TRHDE: variants seen among roughly 807,000 people sequenced by gnomAD.
The protein encoded by TRHDE is thyrotropin releasing hormone degrading enzyme, also known as thyrotropin-releasing hormone-degrading ectoenzyme.
TRHDE carries 72 observed loss-of-function variants against 125.7 expected under a neutral mutation model. That is an observed-to-expected ratio of 0.57 (90% CI 0.47 to 0.70). The LOEUF (loss-of-function observed/expected upper bound fraction) is 0.70, where lower values mean the gene tolerates loss of function less well. Among genes scored for constraint, TRHDE ranks in the 30% least tolerant of loss-of-function variants. TRHDE has a pLI of 0.00. For missense variants in TRHDE, 1,110 were observed against 1,327.1 expected, an observed-to-expected ratio of 0.84 and a Z score of 2.54; for synonymous variants, 509 against 509.1, an observed-to-expected ratio of 1.00 and a Z score of 0.00.
chr12:72,343,754 TTAAAAGATA>T (rs1272345898), intron 2 of TRHDE, among the ~76,000 whole-genome samples: 1 of 152,128 alleles, frequency 6.6e-6, no homozygotes, highest in East Asian at 1.9e-4. Context: ...AATGTGAAAC[TTAAAAGATA>T]TAAAGGAAGG....
chr12:72,208,110 CAT>C (rs1244889274), intron 2 of TRHDE, among the ~76,000 whole-genome samples: 1 of 152,188 alleles, frequency 6.6e-6, no homozygotes, highest in East Asian at 1.9e-4. Context: ...TCCTCTTAAA[CAT>C]AGCCTTTCTA....
chr12:72,530,659 C>A (rs377696774), intron 6 of TRHDE, among the ~76,000 whole-genome samples: 2 of 151,048 alleles, frequency 1.3e-5, no homozygotes, highest in East Asian at 3.9e-4. Context: ...TATGCTTGTT[C>A]TCTCTGCCTG....
intron 1 of TRHDE, among the ~76,000 whole-genome samples, chr12:72,091,892 C>T (rs1041717118): frequency 8.5e-5 from 13 of 152,328 alleles, no homozygotes; most frequent in Middle Eastern, 3.4e-3. Flanking sequence ...CCAATAAATA[C>T]AAAGGGCTGT....
intron 2 of TRHDE, among the ~76,000 whole-genome samples, chr12:72,186,836 T>TG (rs368634953): frequency 2.1e-3 from 314 of 151,928 alleles, no homozygotes; most frequent in Admixed American, 4.4e-3. Flanking sequence ...TTTATTGGCG[T>TG]GGGGGGTAGC....
chr12:72,431,464 C>T (rs1874474569), intron 3 of TRHDE, among the ~76,000 whole-genome samples: 1 of 152,098 alleles, frequency 6.6e-6, no homozygotes, highest in African/African-American at 2.4e-5. Flanking sequence ...TTTTGACTTA[C>T]ATTAATGCTT....
At chr12:72,604,259 G>A (rs2136062571) in intron 12 of TRHDE, among the ~76,000 whole-genome samples, 1 of 152,184 alleles carries the variant, frequency 6.6e-6, no homozygotes, top group East Asian at 1.9e-4. Flanking sequence ...TTATTTTAAG[G>A]TAGCTTAACT....
chr12:72,109,505 A>G (rs1356414149), intron 2 of TRHDE, among the ~76,000 whole-genome samples: 3 of 152,112 alleles, frequency 2.0e-5, no homozygotes, highest in Non-Finnish European at 2.9e-5. Context: ...TAGCAGGTCA[A>G]TGGTATCACT....
chr12:72,658,996 T>C (rs920730387), intron 18 of TRHDE, among the ~76,000 whole-genome samples: 1 of 152,182 alleles, frequency 6.6e-6, no homozygotes, highest in Non-Finnish European at 1.5e-5. Flanking sequence ...GAGAATTCAC[T>C]TGCATTCTAC....
chr12:72,266,904 G>A (rs1879082498), intron 2 of TRHDE, among the ~76,000 whole-genome samples: 1 of 151,982 alleles, frequency 6.6e-6, no homozygotes, highest in African/African-American at 2.4e-5. Flanking sequence ...ACCTGAAGGT[G>A]GTGATTTTCA....
At chr12:72,337,094 G>A (rs921809011) in intron 2 of TRHDE, among the ~76,000 whole-genome samples, 5 of 152,172 alleles carry the variant, frequency 3.3e-5, no homozygotes, top group Non-Finnish European at 7.3e-5. Context: ...CACATGATTA[G>A]TACTCTTTGG....
At chr12:72,611,743 T>C (rs1872641018) in intron 12 of TRHDE, among the ~76,000 whole-genome samples, 1 of 152,076 alleles carries the variant, frequency 6.6e-6, no homozygotes, top group Admixed American at 6.5e-5. Flanking sequence ...TGTGTAAGAG[T>C]TCTTTCACTT....
chr12:72,360,984 C>G (rs1014475952), intron 2 of TRHDE, among the ~76,000 whole-genome samples: 7 of 150,488 alleles, frequency 4.7e-5, no homozygotes, highest in Non-Finnish European at 8.9e-5. Flanking sequence ...TCTCCCTCCC[C>G]CTATCCCCAC....
chr12:72,546,752 C>G (rs983930241), intron 7 of TRHDE, among the ~76,000 whole-genome samples: 1 of 151,586 alleles, frequency 6.6e-6, no homozygotes, highest in Non-Finnish European at 1.5e-5. Flanking sequence ...GTCAGGAAAG[C>G]CACTGCCAGC....
In TRHDE at chr12:72,617,830, C is replaced by T. The variant is rs539730786; in HGVS notation, c.2322-1061C>T. The stretch of plus-strand genomic sequence containing the variant: ...CAGAGTCAAGAAGATGCACTGGAAC[C>T]TCTTTAATAAGGGCACTAATCCCAT... On this transcript the variant is annotated intron_variant, in intron 12 of 18. Coordinates refer to ENST00000261180, the MANE Select transcript of TRHDE (RefSeq NM_013381.3). Among the ~76,000 whole-genome samples the T allele has an allele frequency of 3.3e-5, 5 of 152,262 alleles. No homozygotes were observed. In the South Asian group the frequency reaches 1.0e-3, roughly 32 times the overall value.
At chr12:72,244,815 C>T (rs73349091) in intron 2 of TRHDE, among the ~76,000 whole-genome samples, 1,548 of 152,072 alleles carry the variant, frequency 0.01, 25 homozygotes, top group African/African-American at 0.035. Context: ...TGACTGCAAA[C>T]GAAGAACTTG....
chr12:72,576,370 T>C (rs1412097062), intron 12 of TRHDE, among the ~76,000 whole-genome samples: 1 of 152,162 alleles, frequency 6.6e-6, no homozygotes, highest in African/African-American at 2.4e-5. Context: ...ACATGACTTA[T>C]TTTAGTAATA....
In TRHDE at chr12:72,272,373, A is replaced by C; in HGVS notation, c.-271A>C. 3 of 371,082 alleles carry C rather than the reference A, an allele frequency of 8.1e-6. No homozygotes were observed. Among genetic ancestry groups the C allele is most frequent in the East Asian group, 6.8e-5 (1 of 14,732 alleles). The allele number at this position is 371,082 out of a possible 1,614,324, so 23.0% of individuals were successfully genotyped here. ...CCCCGCCGCCGGGTGCTCGTCCGAGAAGTAGCGCGCGCTGGGCAAGCAAGA... is the reference window on the plus strand; with the variant it reads ...CCCCGCCGCCGGGTGCTCGTCCGAGCAGTAGCGCGCGCTGGGCAAGCAAGA... On this transcript the variant is annotated 5_prime_UTR_variant, in exon 1 of 19. Coordinates refer to ENST00000261180, the MANE Select transcript of TRHDE (RefSeq NM_013381.3). The surrounding 1 kb of genome is among the most constrained non-coding windows in gnomAD (Gnocchi z 6.7).
chr12:72,335,175 A>G (rs971157178), intron 2 of TRHDE, among the ~76,000 whole-genome samples: 4 of 152,206 alleles, frequency 2.6e-5, no homozygotes, highest in Non-Finnish European at 5.9e-5. Flanking sequence ...GAGGCAACAT[A>G]AAATTATAAA....
chr12:72,503,485 T>G (rs1701368262), intron 6 of TRHDE, among the ~76,000 whole-genome samples: 1 of 152,146 alleles, frequency 6.6e-6, no homozygotes, highest in African/African-American at 2.4e-5. Flanking sequence ...AGAAAACATA[T>G]AAATAAACCA....
Sources: allele counts gnomAD v4.1 joint callset (sites outside exome capture counted in the v4.1 genomes callset), GRCh38; gene constraint gnomAD v4.1.1; non-coding constraint Gnocchi (gnomAD v3.1); transcripts MANE v1.5; gene names NCBI Gene and HGNC (gene_info 2026-07-23, HGNC 2026-07-21).